Variants in CDYL2 observed in about 807,000 individuals in gnomAD.
CDYL2 encodes the protein chromodomain Y like 2.
Under a neutral mutation model 49.4 loss-of-function variants are expected in CDYL2, and 23 were observed. The ratio of observed to expected loss-of-function variants is 0.47; its 90% CI spans 0.34 to 0.66. The LOEUF (loss-of-function observed/expected upper bound fraction) is 0.66. Ranked by LOEUF, CDYL2 falls within the 30% of genes least tolerant of loss-of-function variation. CDYL2 has a pLI of 0.01. For missense variants in CDYL2, 678 were observed against 656.4 expected (o/e 1.03, Z -0.36); for synonymous variants, 360 against 268.8 (o/e 1.34, Z -3.32).
intron 1 of CDYL2, among the ~76,000 whole-genome samples, chr16:80,695,954 T>C (rs2142493785): frequency 6.6e-6 from 1 of 152,310 alleles, no homozygotes; most frequent in Non-Finnish European, 1.5e-5. Context: ...CGCATATTCT[T>C]CTCATTAGCA....
intron 2 of CDYL2, among the ~76,000 whole-genome samples, chr16:80,672,255 G>A (rs962192434): frequency 6.2e-5 from 9 of 144,540 alleles, no homozygotes; most frequent in East Asian, 4.1e-4. Flanking sequence ...GGAAATAGAC[G>A]GAAACAGACA....
chr16:80,668,699 G>C (rs566953713), intron 2 of CDYL2, among the ~76,000 whole-genome samples: 1 of 152,088 alleles, frequency 6.6e-6, no homozygotes, highest in East Asian at 1.9e-4. Flanking sequence ...AGGAGTTTGA[G>C]ACCAGCCTGG....
At chr16:80,795,776 C>G (rs747498291) in intron 1 of CDYL2, among the ~76,000 whole-genome samples, 1 of 152,166 alleles carries the variant, frequency 6.6e-6, no homozygotes, top group Non-Finnish European at 1.5e-5. Flanking sequence ...TTAGAGTTAC[C>G]AGTTCTAGTC....
At chr16:80,646,118 G>T (rs184368162) in intron 2 of CDYL2, among the ~76,000 whole-genome samples, 27 of 151,736 alleles carry the variant, frequency 1.8e-4, no homozygotes, top group African/African-American at 6.5e-4. Context: ...TTGTGTACAT[G>T]TACCCTAGAA....
chr16:80,786,621 C>T (rs1272854228), intron 1 of CDYL2, among the ~76,000 whole-genome samples: 2 of 152,152 alleles, frequency 1.3e-5, no homozygotes, highest in Non-Finnish European at 2.9e-5. Context: ...TGGGCATATA[C>T]CCAAAGGATT....
At chr16:80,618,526 A>C (rs1188059972) in intron 4 of CDYL2, among the ~76,000 whole-genome samples, 3 of 152,184 alleles carry the variant, frequency 2.0e-5, no homozygotes, top group Non-Finnish European at 2.9e-5. Context: ...AAGCCACAGG[A>C]AGGAACCATT....
At chr16:80,672,042 T>C (rs906208581) in intron 2 of CDYL2, among the ~76,000 whole-genome samples, 2 of 152,206 alleles carry the variant, frequency 1.3e-5, no homozygotes, top group Admixed American at 1.3e-4. Flanking sequence ...GGAATATTTG[T>C]ATTATACTTA....
At chr16:80,733,457 A>T (rs1278159394) in intron 1 of CDYL2, among the ~76,000 whole-genome samples, 1 of 152,210 alleles carries the variant, frequency 6.6e-6, no homozygotes, top group African/African-American at 2.4e-5. Flanking sequence ...ACATTCTCCA[A>T]GGTTCCCTGG....
rs1190867248 is a variant in CDYL2 at position 80,693,457 on chromosome 16, T to A, written c.25-8328A>T. Among the ~76,000 whole-genome samples, 4 of 151,998 alleles carry A rather than the reference T, an allele frequency of 2.6e-5. No homozygotes were observed. In the East Asian group the frequency reaches 7.7e-4, roughly 29 times the overall value. On this transcript the variant is annotated intron_variant, in intron 1 of 6. Coordinates refer to ENST00000570137, the MANE Select transcript of CDYL2 (RefSeq NM_152342.4). ...AAGACAGCAGAAATGAGGCCAAAGG[T>A]ATTATTTACAAAAAAAAGTTCTGTA...
At chr16:80,627,854 A>C (rs1009580693) in intron 3 of CDYL2, 24 of 152,220 alleles carry the variant, frequency 1.6e-4, no homozygotes, top group African/African-American at 5.5e-4. Flanking sequence ...CTCATTATGC[A>C]CTTCCTAGCT....
intron 1 of CDYL2, among the ~76,000 whole-genome samples, chr16:80,774,645 A>C (rs1907021946): frequency 6.6e-6 from 1 of 152,184 alleles, no homozygotes; most frequent in African/African-American, 2.4e-5. Flanking sequence ...AGATCAAGAC[A>C]TCATACTGTA....
intron 1 of CDYL2, among the ~76,000 whole-genome samples, chr16:80,716,620 G>C (rs746592955): frequency 4.6e-5 from 7 of 152,202 alleles, no homozygotes; most frequent in Non-Finnish European, 8.8e-5. Flanking sequence ...TGAATGGCTA[G>C]ATGGGTGGAT....
intron 4 of CDYL2, among the ~76,000 whole-genome samples, chr16:80,614,816 A>G (rs1356646967): frequency 6.7e-6 from 1 of 148,758 alleles, no homozygotes. Context: ...GTGAGCCGAG[A>G]TCGGGCCACT....
chr16:80,787,917 C>T (rs1397377883), intron 1 of CDYL2, among the ~76,000 whole-genome samples: 1 of 152,046 alleles, frequency 6.6e-6, no homozygotes, highest in Non-Finnish European at 1.5e-5. Context: ...GGATTATCTG[C>T]CTTACCCATA....
chr16:80,622,794 T>C (rs1907138788), intron 3 of CDYL2, among the ~76,000 whole-genome samples: 1 of 152,148 alleles, frequency 6.6e-6, no homozygotes, highest in Non-Finnish European at 1.5e-5. Context: ...TTGCACCCCA[T>C]GAAAGCTAAC....
intron 1 of CDYL2, among the ~76,000 whole-genome samples, chr16:80,734,690 G>T (rs1184414691): frequency 6.6e-6 from 1 of 152,112 alleles, no homozygotes; most frequent in Non-Finnish European, 1.5e-5. Flanking sequence ...CACCATGTTG[G>T]GCCCTGGGAG....
chr16:80,719,934 C>G (rs1904943160), intron 1 of CDYL2, among the ~76,000 whole-genome samples: 1 of 152,252 alleles, frequency 6.6e-6, no homozygotes, highest in African/African-American at 2.4e-5. Context: ...AGGCCCTCCT[C>G]TGTACCCAAA....
chr16:80,610,177 G>A (rs146000971), intron 5 of CDYL2, among the ~76,000 whole-genome samples: 1 of 152,332 alleles, frequency 6.6e-6, no homozygotes, highest in Non-Finnish European at 1.5e-5. Flanking sequence ...TGCAACAAAA[G>A]CAGGACTTGA....
Position 80,785,345 on chromosome 16 carries a change from G to A in CDYL2, c.24+18805C>T, listed in dbSNP as rs552511801. The stretch of plus-strand genomic sequence containing the variant: ...ACAGACAAACAGAGAGCCAAATCAT[G>A]AGTGAACTCCCATTCACAATTGCTA... On this transcript the variant is annotated intron_variant, in intron 1 of 6. Transcript: ENST00000570137. Among the ~76,000 whole-genome samples the A allele has an allele frequency of 5.3e-5, 8 of 152,236 alleles. No individual in the cohort carries two copies. In the South Asian group the frequency reaches 1.7e-3, roughly 32 times the overall value.
Sources: allele counts gnomAD v4.1 joint callset (sites outside exome capture counted in the v4.1 genomes callset), GRCh38; gene constraint gnomAD v4.1.1; transcripts MANE v1.5; gene names NCBI Gene and HGNC (gene_info 2026-07-23, HGNC 2026-07-21).